GARIN5A: variants seen among roughly 807,000 people sequenced by gnomAD.
The protein encoded by GARIN5A is Golgi-associated RAB2 interactor protein 5A.
At chr19:50,476,813 G>C in the GARIN5A span, 2 of 557,084 alleles carry the variant, frequency 3.6e-6, no homozygotes, top group African/African-American at 2.0e-5. Context: ...CGCACGCGCA[G>C]GAGGGGCCTC....
At chr19:50,472,156 A>G in the GARIN5A span, among the ~76,000 whole-genome samples, 3 of 150,070 alleles carry the variant, frequency 2.0e-5, no homozygotes, top group African/African-American at 7.4e-5. Context: ...ACGTGTGTAT[A>G]TGTATGTATA....
the GARIN5A span, among the ~76,000 whole-genome samples, chr19:50,472,624 G>C: frequency 6.6e-6 from 1 of 152,282 alleles, no homozygotes; most frequent in African/African-American, 2.4e-5. Flanking sequence ...GCTGGGCAAG[G>C]TGGGTCACAC....
the GARIN5A span, chr19:50,467,494 G>T: frequency 3.7e-6 from 4 of 1,083,272 alleles, no homozygotes; most frequent in Non-Finnish European, 5.3e-6. Context: ...TTAGACCTGG[G>T]AGTCCTCAGA....
At chr19:50,476,546 T>G in the GARIN5A span, 7 of 1,572,922 alleles carry the variant, frequency 4.5e-6, no homozygotes, top group Non-Finnish European at 6.0e-6. Flanking sequence ...GAAGCCGAGA[T>G]GGCGGCAGCC....
chr19:50,470,748 C>T, the GARIN5A span, among the ~76,000 whole-genome samples: 23 of 148,460 alleles, frequency 1.5e-4, no homozygotes, highest in African/African-American at 4.2e-4. Flanking sequence ...TCCACCTCCT[C>T]GGTTCAAGTG....
At chr19:50,472,816 C>T in the GARIN5A span, among the ~76,000 whole-genome samples, 7 of 151,722 alleles carry the variant, frequency 4.6e-5, no homozygotes, top group South Asian at 8.3e-4. Context: ...GGATCGCTTG[C>T]GCCTGCAGAG....
the GARIN5A span, chr19:50,475,508 G>A: frequency 1.3e-6 from 2 of 1,525,190 alleles, no homozygotes; most frequent in Admixed American, 3.7e-5. Context: ...GCAGAACTGA[G>A]GAGGGATCAG....
the GARIN5A span, chr19:50,476,514 G>T: frequency 1.0e-5 from 16 of 1,570,110 alleles, no homozygotes; most frequent in Non-Finnish European, 1.3e-5. Flanking sequence ...TTGGCTCACA[G>T]CCGTCCCTTC....
chr19:50,470,618 GGC>G, the GARIN5A span, among the ~76,000 whole-genome samples: 1 of 151,874 alleles, frequency 6.6e-6, no homozygotes, highest in African/African-American at 2.4e-5. Context: ...CGAGGGGGTG[GGC>G]GCAGGGAGAA....
the GARIN5A span, chr19:50,476,426 G>A: frequency 6.5e-7 from 1 of 1,547,808 alleles, no homozygotes. Context: ...ACGGGTGCCA[G>A]TGCGCAGGTG....
the GARIN5A span, chr19:50,467,681 G>C: frequency 6.3e-7 from 1 of 1,588,320 alleles, no homozygotes; most frequent in East Asian, 2.3e-5. Flanking sequence ...CGGTAGAGCA[G>C]CCGCACCCAC....
At chr19:50,467,808 G>T in the GARIN5A span, 2 of 1,613,322 alleles carry the variant, frequency 1.2e-6, no homozygotes, top group Non-Finnish European at 1.7e-6. Flanking sequence ...CAAAGAGCTG[G>T]ACGAACTTCA....
the GARIN5A span, among the ~76,000 whole-genome samples, chr19:50,468,292 G>A: frequency 6.6e-6 from 1 of 150,664 alleles, no homozygotes; most frequent in East Asian, 2.0e-4. Context: ...AACCTGGGAG[G>A]CGGAGGTTGC....
the GARIN5A span, chr19:50,475,829 C>G: frequency 6.2e-7 from 1 of 1,608,788 alleles, no homozygotes; most frequent in East Asian, 2.2e-5. Context: ...CTGGGGCTCC[C>G]TACCTGTACG....
the GARIN5A span, chr19:50,467,415 C>T: frequency 1.7e-6 from 1 of 603,796 alleles, no homozygotes; most frequent in East Asian, 2.9e-5. Context: ...CCCTCAGACC[C>T]AGGAGTCCAG....
At chr19:50,467,557 TCCTCCCACTCCCTCTGGG>T in the GARIN5A span, 4 of 1,526,002 alleles carry the variant, frequency 2.6e-6, no homozygotes, top group Non-Finnish European at 3.5e-6. Context: ...TCTCCTCACC[TCCTCCCACTCCCTCTGGG>T]CCTCCACCTC....
the GARIN5A span, among the ~76,000 whole-genome samples, chr19:50,474,851 C>T: frequency 6.6e-6 from 1 of 152,106 alleles, no homozygotes; most frequent in Non-Finnish European, 1.5e-5. Context: ...CACAGGAGGG[C>T]TCAAGAACCA....
At chr19:50,475,028 C>T in the GARIN5A span, among the ~76,000 whole-genome samples, 1 of 152,170 alleles carries the variant, frequency 6.6e-6, no homozygotes, top group Non-Finnish European at 1.5e-5. Context: ...GAGGTGAGAT[C>T]GTATGCGCGG....
At chr19:50,475,926 G>A in the GARIN5A span, 1 of 1,613,224 alleles carries the variant, frequency 6.2e-7, no homozygotes, top group Non-Finnish European at 8.5e-7. Flanking sequence ...GACGGCCCGT[G>A]GGAGAGGCTG....
Sources: allele counts gnomAD v4.1 joint callset (sites outside exome capture counted in the v4.1 genomes callset), GRCh38; gene constraint gnomAD v4.1.1; transcripts MANE v1.5; gene names NCBI Gene and HGNC (gene_info 2026-07-23, HGNC 2026-07-21).